KANK2: variants seen among roughly 807,000 people sequenced by gnomAD.
KANK2 encodes KN motif and ankyrin repeat domains 2, also known as KN motif and ankyrin repeat domain-containing protein 2.
In KANK2, 41 loss-of-function variants were observed where a neutral mutation model predicts 74.6. The observed-to-expected ratio is 0.55, with a 90% CI of 0.43 to 0.71. The LOEUF (loss-of-function observed/expected upper bound fraction) is 0.71. Ranked by LOEUF, KANK2 falls within the 30% of genes least tolerant of loss-of-function variation. The probability of loss-of-function intolerance (pLI) is 0.00; values close to 1 mark genes in which losing one functional copy is unlikely to be tolerated. For synonymous variants in KANK2, 537 were observed against 519.0 expected (o/e 1.03, Z -0.47); for missense variants, 1,148 against 1,196.4 (o/e 0.96, Z 0.60).
chr19:11,188,652 A>ATGT (rs1306511971), intron 4 of KANK2, among the ~76,000 whole-genome samples: 15 of 146,900 alleles, frequency 1.0e-4, no homozygotes, highest in Non-Finnish European at 2.1e-4. Flanking sequence ...TGTTTTTTCC[A>ATGT]CCTCTTCTGG....
intron 2 of KANK2, 65 bp from the exon 3 acceptor site, chr19:11,194,655 CA>C: frequency 1.5e-6 from 1 of 645,748 alleles, no homozygotes; most frequent in East Asian, 2.7e-5. Flanking sequence ...GAGATGAGGC[CA>C]GCCCCCTCCA....
chr19:11,194,065 G>A, intron 3 of KANK2, 23 bp from the exon 4 acceptor site: 1 of 1,579,484 alleles, frequency 6.3e-7, no homozygotes, highest in South Asian at 1.2e-5. Context: ...GAAACACCAG[G>A]ACCTTTGAAT....
chr19:11,191,483 A>C (rs1372528063), intron 4 of KANK2, among the ~76,000 whole-genome samples: 2 of 152,188 alleles, frequency 1.3e-5, no homozygotes, highest in Non-Finnish European at 2.9e-5. Flanking sequence ...TTCCTCCCTC[A>C]AAGGCCACAG....
intron 4 of KANK2, among the ~76,000 whole-genome samples, chr19:11,182,037 C>T (rs1452983643): frequency 6.6e-6 from 1 of 151,144 alleles, no homozygotes; most frequent in African/African-American, 2.4e-5. Context: ...CCTGCCTCAG[C>T]CTCCTGAGTA....
Position 11,166,504 on chromosome 19 carries a change from C to T in KANK2, c.*54G>A, listed in dbSNP as rs184022857. ...GGGAGGAACGGGAACAGGGAGGAGA[C>T]GGGGACAAGGGACGGTTTGCTCCCG... On this transcript the variant is annotated 3_prime_UTR_variant, in exon 13 of 13. Coordinates refer to ENST00000586659, the MANE Select transcript of KANK2 (RefSeq NM_001136191.3). 4.8e-4 allele frequency: 734 copies of T among 1,530,334 alleles called. 6 individuals carry two copies. The African/African-American group carries it at 8.7e-3, about 18-fold the overall frequency. 94.8% of individuals were successfully genotyped at this position (1,530,334 alleles called of 1,614,324 possible). A position where few individuals can be genotyped will look rare whatever the true frequency, so the allele number is the denominator to read the frequency against.
At position 11,186,953 on chromosome 19, in the gene KANK2, G is replaced by A. The variant is rs145494465; in HGVS notation, c.1249+5878C>T. ...AATTAGAAGTAACCAGATACCTACTGTGAAGGGATTAGAGAAGAGGGTAGG... is the reference window on the plus strand; with the variant it reads ...AATTAGAAGTAACCAGATACCTACTATGAAGGGATTAGAGAAGAGGGTAGG... On this transcript the variant is annotated intron_variant, in intron 4 of 12. Coordinates refer to ENST00000586659, the MANE Select transcript of KANK2 (RefSeq NM_001136191.3). Among the ~76,000 whole-genome samples, 148 of 152,138 alleles carry A rather than the reference G, an allele frequency of 9.7e-4. 2 individuals are homozygous for A. The South Asian group carries it at 0.018, about 18-fold the overall frequency.
chr19:11,170,307 T>G lies in KANK2; in HGVS notation c.2212-59A>C. On this transcript the variant is annotated intron_variant, in intron 10 of 12. Transcript: ENST00000586659. The surrounding 1 kb of genome is among the most constrained non-coding windows in gnomAD (Gnocchi z 5.2). ...GCAGGCCCCAGGGCAGGACACCCCC[T>G]GGTCTAGAACCTGCTGTAGCTCCCA... 2 of 1,449,590 alleles carry G rather than the reference T, an allele frequency of 1.4e-6. No homozygotes were observed. Among genetic ancestry groups the G allele is most frequent in the African/African-American group, 1.4e-5 (1 of 72,036 alleles). 89.8% of individuals were successfully genotyped at this position (1,449,590 alleles called of 1,614,324 possible). A position where few individuals can be genotyped will look rare whatever the true frequency, so the allele number is the denominator to read the frequency against.
chr19:11,168,005 GTT>G (rs528176321), intron 12 of KANK2, among the ~76,000 whole-genome samples: 63 of 115,006 alleles, frequency 5.5e-4, no homozygotes, highest in Admixed American at 9.4e-4. Flanking sequence ...CCACGTCCTT[GTT>G]TTTTTTTTTT....
At chr19:11,181,183 G>A (rs1345773091) in intron 4 of KANK2, among the ~76,000 whole-genome samples, 1 of 150,312 alleles carries the variant, frequency 6.7e-6, no homozygotes, top group Non-Finnish European at 1.5e-5. Flanking sequence ...GATGCAAAAG[G>A]GACAAAAACA....
chr19:11,170,346 T>TACATTTCACCATCAGA lies in KANK2; in HGVS notation c.2212-99_2212-98insTCTGATGGTGAAATGT. 1 of 917,046 alleles carries TACATTTCACCATCAGA rather than the reference T, an allele frequency of 1.1e-6. No homozygotes were observed. The highest frequency in any genetic ancestry group is 1.7e-6 in the Non-Finnish European group (1 of 598,508). 56.8% of individuals were successfully genotyped at this position (917,046 alleles called of 1,614,324 possible). A position where few individuals can be genotyped will look rare whatever the true frequency, so the allele number is the denominator to read the frequency against. On this transcript the variant is annotated intron_variant, in intron 10 of 12. Coordinates refer to ENST00000586659, the MANE Select transcript of KANK2 (RefSeq NM_001136191.3). This position sits in a 1 kb window ranked among gnomAD's most constrained non-coding sequence, Gnocchi z 5.2. ...CTGTAGCTCCCACATACTCTGATGG[T>TACATTTCACCATCAGA]GAAATGTACCCTCAACTTGCTGATC...
intron 10 of KANK2, 123 bp downstream of exon 10, chr19:11,172,858 A>AT (rs2078216155): frequency 1.2e-5 from 12 of 1,021,978 alleles, no homozygotes; most frequent in Non-Finnish European, 1.6e-5. Context: ...TGTGTCAGAG[A>AT]CAGCCTGGCC....
At chr19:11,166,667 C>T (rs1230572982) in intron 12 of KANK2, 56 bp from the exon 13 acceptor site, 36 of 1,553,024 alleles carry the variant, frequency 2.3e-5, no homozygotes, top group Middle Eastern at 3.3e-4. Context: ...TCCCCCGAGG[C>T]GCCAACGTGG....
intron 4 of KANK2, among the ~76,000 whole-genome samples, chr19:11,187,460 T>C (rs531058796): frequency 6.6e-6 from 1 of 152,092 alleles, no homozygotes; most frequent in South Asian, 2.1e-4. Flanking sequence ...TAAATAAGTT[T>C]CTGGAAGGTG....
intron 4 of KANK2, among the ~76,000 whole-genome samples, chr19:11,190,306 T>C (rs2078804714): frequency 6.6e-6 from 1 of 152,094 alleles, no homozygotes. Flanking sequence ...TTTTGTATTT[T>C]TAGTAGTGAC....
chr19:11,171,225 T>C (rs537823472), intron 10 of KANK2, among the ~76,000 whole-genome samples: 1 of 152,036 alleles, frequency 6.6e-6, no homozygotes, highest in African/African-American at 2.4e-5. Flanking sequence ...AGCGAGACCA[T>C]GTCTCTAGTA....
At chr19:11,175,792 G>A in intron 8 of KANK2, 110 bp downstream of exon 8, 1 of 704,330 alleles carries the variant, frequency 1.4e-6, no homozygotes, top group South Asian at 1.9e-5. Context: ...TCAGTGTCAG[G>A]GTCCCCACTA....
chr19:11,192,793 C>CTG, intron 4 of KANK2, 38 bp downstream of exon 4: 12 of 1,576,256 alleles, frequency 7.6e-6, no homozygotes, highest in Middle Eastern at 1.7e-4. Flanking sequence ...GCCCCCCCCC[C>CTG]CCAAGCCATT....
intron 4 of KANK2, among the ~76,000 whole-genome samples, chr19:11,179,408 G>A (rs1452986221): frequency 6.6e-6 from 1 of 151,722 alleles, no homozygotes; most frequent in African/African-American, 2.4e-5. Flanking sequence ...GGAGGCTGAG[G>A]CGGGCAGATC....
chr19:11,176,313 C>T (rs1444532607), intron 7 of KANK2, among the ~76,000 whole-genome samples: 1 of 152,186 alleles, frequency 6.6e-6, no homozygotes, highest in Non-Finnish European at 1.5e-5. Context: ...GAGGAAACGT[C>T]CCAAAGTAGG....
Sources: allele counts gnomAD v4.1 joint callset (sites outside exome capture counted in the v4.1 genomes callset), GRCh38; gene constraint gnomAD v4.1.1; non-coding constraint Gnocchi (gnomAD v3.1); transcripts MANE v1.5; gene names NCBI Gene and HGNC (gene_info 2026-07-23, HGNC 2026-07-21).